The following PLCB1 variants were observed in gnomAD, a reference collection of about 807,000 sequenced individuals.
PLCB1 encodes the protein phospholipase C beta 1, also known as 1-phosphatidylinositol 4,5-bisphosphate phosphodiesterase beta-1.
PLCB1 carries 46 observed loss-of-function variants against 161.8 expected under a neutral mutation model. That is an observed-to-expected ratio of 0.28 (90% CI 0.22 to 0.36). PLCB1 has a LOEUF of 0.36. Among genes scored for constraint, PLCB1 ranks in the 10% least tolerant of loss-of-function variants. The pLI is 1.00. For synonymous variants in PLCB1, 517 were observed against 503.7 expected (o/e 1.03, Z -0.35); for missense variants, 1,016 against 1,472.5 (o/e 0.69, Z 5.07).
At chr20:8,237,791 T>G (rs1004612914) in intron 2 of PLCB1, among the ~76,000 whole-genome samples, 1 of 152,058 alleles carries the variant, frequency 6.6e-6, no homozygotes, top group African/African-American at 2.4e-5. Context: ...GCTAACTAAT[T>G]ACGTAAATGG....
At chr20:8,418,266 A>T (rs1448663485) in intron 3 of PLCB1, among the ~76,000 whole-genome samples, 1 of 152,182 alleles carries the variant, frequency 6.6e-6, no homozygotes, top group Admixed American at 6.5e-5. Context: ...TGTAAGAGTG[A>T]ATTGCTCTGA....
At chr20:8,608,469 C>T (rs560237615) in intron 3 of PLCB1, among the ~76,000 whole-genome samples, 28 of 152,186 alleles carry the variant, frequency 1.8e-4, no homozygotes, top group Non-Finnish European at 3.7e-4. Flanking sequence ...ACAGGGCAAA[C>T]TTGTTTTGCC....
At chr20:8,522,982 G>A (rs888544636) in intron 3 of PLCB1, among the ~76,000 whole-genome samples, 1 of 152,124 alleles carries the variant, frequency 6.6e-6, no homozygotes, top group African/African-American at 2.4e-5. Context: ...TGGGTGTAAT[G>A]TGCTGGTTAA....
chr20:8,244,987 G>C (rs887441493), intron 2 of PLCB1, among the ~76,000 whole-genome samples: 7 of 151,430 alleles, frequency 4.6e-5, no homozygotes, highest in African/African-American at 1.5e-4. Context: ...TTTTGGAGGG[G>C]GGGATGTATG....
chr20:8,487,772 A>G (rs1982790621), intron 3 of PLCB1, among the ~76,000 whole-genome samples: 2 of 152,232 alleles, frequency 1.3e-5, no homozygotes. Flanking sequence ...AGCCCACTTT[A>G]GAGGTCTGCC....
At chr20:8,224,604 T>A (rs766265376) in intron 2 of PLCB1, among the ~76,000 whole-genome samples, 14 of 152,226 alleles carry the variant, frequency 9.2e-5, no homozygotes, top group Non-Finnish European at 1.6e-4. Context: ...TTAAAAAAAA[T>A]TTTTAAAGAA....
chr20:8,481,186 A>C (rs1261655246), intron 3 of PLCB1, among the ~76,000 whole-genome samples: 1 of 151,348 alleles, frequency 6.6e-6, no homozygotes, highest in Non-Finnish European at 1.5e-5. Context: ...TAGTATATTC[A>C]CTTTTAGTAA....
At chr20:8,838,000 G>T (rs1032209955) in intron 31 of PLCB1, among the ~76,000 whole-genome samples, 12 of 151,736 alleles carry the variant, frequency 7.9e-5, no homozygotes, top group African/African-American at 2.9e-4. Flanking sequence ...TGGTGTTCCT[G>T]GAAAGTAAAA....
chr20:8,146,376 G>A (rs149421733), intron 1 of PLCB1, among the ~76,000 whole-genome samples: 89 of 152,270 alleles, frequency 5.8e-4, no homozygotes, highest in Admixed American at 2.6e-3. Context: ...TCTGTAAAAT[G>A]GGAATAATAA....
At chr20:8,508,049 G>A (rs555374056) in intron 3 of PLCB1, among the ~76,000 whole-genome samples, 1 of 152,174 alleles carries the variant, frequency 6.6e-6, no homozygotes, top group South Asian at 2.1e-4. Context: ...TTAACACAGG[G>A]ATTTTATGAC....
At chr20:8,270,325 A>G (rs1982217049) in intron 2 of PLCB1, among the ~76,000 whole-genome samples, 1 of 152,092 alleles carries the variant, frequency 6.6e-6, no homozygotes, top group Non-Finnish European at 1.5e-5. Flanking sequence ...TTTTCTTCCT[A>G]AAAGACTTTC....
chr20:8,317,529 C>T (rs918207177), intron 2 of PLCB1, among the ~76,000 whole-genome samples: 5 of 151,902 alleles, frequency 3.3e-5, no homozygotes, highest in African/African-American at 4.8e-5. Flanking sequence ...CCCATCCCCC[C>T]GACACACACA....
At chr20:8,250,433 G>C (rs1186948501) in intron 2 of PLCB1, among the ~76,000 whole-genome samples, 1 of 151,624 alleles carries the variant, frequency 6.6e-6, no homozygotes, top group Non-Finnish European at 1.5e-5. Context: ...GTAATCTGTT[G>C]GGTTTTGTGA....
chr20:8,339,971 A>G (rs1300209869), intron 2 of PLCB1, among the ~76,000 whole-genome samples: 3 of 152,160 alleles, frequency 2.0e-5, no homozygotes, highest in Admixed American at 2.0e-4. Flanking sequence ...CTTCACAAAA[A>G]TAAATAAACA....
chr20:8,270,444 T>C (rs1254547758), intron 2 of PLCB1, among the ~76,000 whole-genome samples: 1 of 152,198 alleles, frequency 6.6e-6, no homozygotes, highest in South Asian at 2.1e-4. Flanking sequence ...TTATGTAACA[T>C]GGGCATGTAA....
At chr20:8,705,494 A>G (rs1001115074) in intron 11 of PLCB1, among the ~76,000 whole-genome samples, 3 of 152,228 alleles carry the variant, frequency 2.0e-5, no homozygotes, top group African/African-American at 7.2e-5. Flanking sequence ...CAAAATAAAC[A>G]CAAAGATACG....
At chr20:8,626,432 G>A (rs369178526) in intron 3 of PLCB1, among the ~76,000 whole-genome samples, 32 of 152,140 alleles carry the variant, frequency 2.1e-4, no homozygotes, top group East Asian at 9.7e-4. Flanking sequence ...GAGAGGTGGC[G>A]ATCTTTAACC....
In PLCB1 at chr20:8,197,388, T is replaced by C. The variant is rs905209217; in HGVS notation, c.177+47017T>C. 7.8e-3 allele frequency among the ~76,000 whole-genome samples: 1,191 copies of C among 152,352 alleles called. 15 individuals are homozygous for C. Among genetic ancestry groups the C allele is most frequent in the African/African-American group, 0.025 (1,060 of 41,584 alleles). The stretch of plus-strand genomic sequence containing the variant: ...GTGAGATGGTATCTCATTGTGGTTT[T>C]GATTTGCATTTCTCTGATGGCCAGT... On this transcript the variant is annotated intron_variant, in intron 2 of 31. Coordinates refer to ENST00000338037, the MANE Select transcript of PLCB1 (RefSeq NM_015192.4).
chr20:8,250,814 A>G (rs562362430), intron 2 of PLCB1, among the ~76,000 whole-genome samples: 2 of 152,072 alleles, frequency 1.3e-5, no homozygotes, highest in African/African-American at 4.8e-5. Flanking sequence ...TTGAGCTCCC[A>G]ACAATATGCC....
Sources: allele counts gnomAD v4.1 joint callset (sites outside exome capture counted in the v4.1 genomes callset), GRCh38; gene constraint gnomAD v4.1.1; transcripts MANE v1.5; gene names NCBI Gene and HGNC (gene_info 2026-07-23, HGNC 2026-07-21).